Variants in ALKBH1 observed in about 807,000 individuals in gnomAD.
The protein encoded by ALKBH1 is nucleic acid dioxygenase ALKBH1.
In ALKBH1, 31 loss-of-function variants were observed where a neutral mutation model predicts 36.6. That is an observed-to-expected ratio of 0.85 (90% CI 0.64 to 1.14). The LOEUF (loss-of-function observed/expected upper bound fraction) is 1.14, where lower values mean the gene tolerates loss of function less well. ALKBH1 is among the 50% of genes most tolerant of loss of function. The pLI is 0.00. For synonymous variants in ALKBH1, 183 were observed against 186.6 expected, an observed-to-expected ratio of 0.98 and a Z score of 0.16; for missense variants, 490 against 497.3, an observed-to-expected ratio of 0.99 and a Z score of 0.14.
chr14:77,707,727 G>C, intron 1 of ALKBH1, 95 bp downstream of exon 1: 3 of 1,378,766 alleles, frequency 2.2e-6, no homozygotes, highest in Admixed American at 2.4e-5. Flanking sequence ...AATAACAATC[G>C]GTCTGGAGGT....
intron 3 of ALKBH1, among the ~76,000 whole-genome samples, chr14:77,688,233 A>G (rs1047513097): frequency 7.6e-6 from 1 of 132,140 alleles, no homozygotes; most frequent in Non-Finnish European, 1.6e-5. Context: ...TTTTGCATGG[A>G]TTAAACTAAA....
chr14:77,702,330 G>C (rs1018313579), intron 2 of ALKBH1, among the ~76,000 whole-genome samples: 4 of 151,924 alleles, frequency 2.6e-5, no homozygotes, highest in African/African-American at 9.7e-5. Flanking sequence ...ATAAAAATAA[G>C]TGCTAGAGTT....
At chr14:77,682,263 A>G (rs1254124340) in intron 3 of ALKBH1, among the ~76,000 whole-genome samples, 2 of 152,230 alleles carry the variant, frequency 1.3e-5, no homozygotes, top group Non-Finnish European at 2.9e-5. Flanking sequence ...GAGGTCTACC[A>G]ATGTTTATTC....
intron 5 of ALKBH1, among the ~76,000 whole-genome samples, chr14:77,675,402 C>T (rs577721012): frequency 6.6e-6 from 1 of 151,632 alleles, no homozygotes; most frequent in African/African-American, 2.4e-5. Flanking sequence ...CCACTGTATT[C>T]CAGCCTGGGT....
rs780327045 is a variant in ALKBH1, at chr14:77,694,791, G to T, written c.402C>A (p.His134Gln). The T allele has an allele frequency of 2.5e-6, 4 of 1,609,364 alleles. No individual in the cohort carries two copies. Among genetic ancestry groups the T allele is most frequent in the Non-Finnish European group, 3.4e-6 (4 of 1,177,908 alleles). The change falls in exon 3 of 6, where the codon CAC becomes CAA. Residue 134 changes from histidine (H) to glutamine (Q), a missense_variant. Transcript: ENST00000216489. ...GATCTTGGGTCTCTTCTTTAGACATGTGTTTGTCCAGGTTACATACATTAG... is the reference window on the plus strand; with the variant it reads ...GATCTTGGGTCTCTTCTTTAGACATTTGTTTGTCCAGGTTACATACATTAG... Reference protein sequence around the residue: ...QKPNVCNLDKHMSKEETQDLW... With the variant: ...QKPNVCNLDKQMSKEETQDLW...
chr14:77,686,728 A>G (rs969235071), intron 3 of ALKBH1, among the ~76,000 whole-genome samples: 1 of 152,062 alleles, frequency 6.6e-6, no homozygotes, highest in African/African-American at 2.4e-5. Flanking sequence ...GGTTCAAGTG[A>G]TTCTCCTGCC....
intron 3 of ALKBH1, among the ~76,000 whole-genome samples, chr14:77,693,114 G>A (rs1295500647): frequency 3.3e-5 from 5 of 151,210 alleles, no homozygotes; most frequent in African/African-American, 1.2e-4. Context: ...GCTGAGGCAG[G>A]AGAATTGCTT....
chr14:77,673,808 A>G lies in ALKBH1; in HGVS notation c.*4T>C. On this transcript the variant is annotated 3_prime_UTR_variant, in exon 6 of 6. Coordinates refer to ENST00000216489, the MANE Select transcript of ALKBH1 (RefSeq NM_006020.3). ...CTGAGTAAAAAGGATGGGATCTCCA[A>G]GTCTCAGCTGTCAGGGTTTATCCTG... 6.2e-7 allele frequency: 1 copy of G among 1,607,720 alleles called. No homozygotes were observed. The highest frequency in any genetic ancestry group is 1.1e-5 in the South Asian group (1 of 90,604).
intron 2 of ALKBH1, among the ~76,000 whole-genome samples, chr14:77,699,234 T>G (rs957620882): frequency 6.6e-6 from 1 of 152,214 alleles, no homozygotes; most frequent in Non-Finnish European, 1.5e-5. Context: ...ACGACACATT[T>G]TATGGAAATA....
rs562896099 is a variant in ALKBH1, at chr14:77,672,720, G to A, written c.*1092C>T. The A allele has an allele frequency of 6.6e-6, 1 of 152,302 alleles. No individual in the cohort carries two copies. The highest frequency in any genetic ancestry group is 1.5e-5 in the Non-Finnish European group (1 of 68,020). The allele number at this position is 152,302 out of a possible 1,614,324, so 9.4% of individuals were successfully genotyped here. A position where few individuals can be genotyped will look rare whatever the true frequency, so the allele number is the denominator to read the frequency against. ...GTAGTCTACAGTATCTTCATTTTAT[G>A]ATGAGGAAACCGAGGTCCAGAGAAA... On this transcript the variant is annotated 3_prime_UTR_variant, in exon 6 of 6. Coordinates refer to ENST00000216489, the MANE Select transcript of ALKBH1 (RefSeq NM_006020.3).
chr14:77,692,905 T>TAAA (rs10638829), intron 3 of ALKBH1, among the ~76,000 whole-genome samples: 29 of 130,408 alleles, frequency 2.2e-4, no homozygotes, highest in African/African-American at 7.6e-4. Flanking sequence ...CCCAGCTAAT[T>TAAA]AAAAAAAAAA....
At chr14:77,705,455 A>T (rs971556112) in intron 1 of ALKBH1, among the ~76,000 whole-genome samples, 1 of 152,054 alleles carries the variant, frequency 6.6e-6, no homozygotes, top group Non-Finnish European at 1.5e-5. Context: ...AGAGTGCTGT[A>T]AACAGACAGA....
At chr14:77,689,415 A>C (rs899899078) in intron 3 of ALKBH1, among the ~76,000 whole-genome samples, 6 of 152,186 alleles carry the variant, frequency 3.9e-5, no homozygotes, top group Non-Finnish European at 8.8e-5. Context: ...CTAAGACACA[A>C]ATGTACATTA....
At chr14:77,677,343 C>A (rs2080211807) in intron 4 of ALKBH1, among the ~76,000 whole-genome samples, 1 of 152,026 alleles carries the variant, frequency 6.6e-6, no homozygotes, top group Non-Finnish European at 1.5e-5. Flanking sequence ...CCTGGCCTGG[C>A]CATAATACTC....
intron 3 of ALKBH1, among the ~76,000 whole-genome samples, chr14:77,690,358 T>C (rs1023178840): frequency 5.3e-5 from 8 of 152,270 alleles, no homozygotes; most frequent in Admixed American, 6.5e-5. Flanking sequence ...TTTTTCTAAA[T>C]GTGATGATGT....
intron 3 of ALKBH1, among the ~76,000 whole-genome samples, chr14:77,693,224 A>AAATT (rs369220185): frequency 1.0e-3 from 126 of 126,420 alleles, no homozygotes; most frequent in Middle Eastern, 7.8e-3. Flanking sequence ...AAAAAAAAAA[A>AAATT]TTTTTTTTCA....
chr14:77,694,712 A>G (rs1353523268), intron 3 of ALKBH1, 26 bp downstream of exon 3: 3 of 1,557,142 alleles, frequency 1.9e-6, no homozygotes, highest in African/African-American at 2.7e-5. Context: ...GAGTATTAAC[A>G]CTTCATTCTG....
chr14:77,687,072 G>A (rs572471266), intron 3 of ALKBH1, among the ~76,000 whole-genome samples: 2 of 152,132 alleles, frequency 1.3e-5, no homozygotes, highest in African/African-American at 2.4e-5. Flanking sequence ...TTATCTAACC[G>A]TCTTCTGTTC....
At chr14:77,692,467 G>A (rs762836757) in intron 3 of ALKBH1, among the ~76,000 whole-genome samples, 2 of 152,190 alleles carry the variant, frequency 1.3e-5, no homozygotes, top group Non-Finnish European at 2.9e-5. Context: ...AATAAGGAGT[G>A]CGCAACCTAG....
Sources: allele counts gnomAD v4.1 joint callset (sites outside exome capture counted in the v4.1 genomes callset), GRCh38; gene constraint gnomAD v4.1.1; transcripts MANE v1.5; gene names NCBI Gene and HGNC (gene_info 2026-07-23, HGNC 2026-07-21).